The following INSL6 variants were observed in gnomAD, a reference collection of about 807,000 sequenced individuals.
INSL6 encodes insulin-like peptide INSL6.
INSL6 carries 16 observed loss-of-function variants against 9.4 expected under a neutral mutation model. That is an observed-to-expected ratio of 1.70 (90% CI 1.15 to 2.59). INSL6 has a LOEUF of 2.59. Among genes scored for constraint, INSL6 ranks in the 30% most tolerant of loss-of-function variants. The pLI is 0.00. For synonymous variants in INSL6, 154 were observed against 96.9 expected (o/e 1.59, Z -3.46); for missense variants, 391 against 257.3 (o/e 1.52, Z -3.56).
chr9:5,171,311 T>C (rs1034606669), intron 1 of INSL6, among the ~76,000 whole-genome samples: 1 of 152,146 alleles, frequency 6.6e-6, no homozygotes, highest in Non-Finnish European at 1.5e-5. Context: ...AAACTCTCAA[T>C]AAATCAGGTG....
downstream of INSL6, among the ~76,000 whole-genome samples, chr9:5,161,380 C>T (rs1031732771): frequency 1.3e-5 from 2 of 152,124 alleles, no homozygotes; most frequent in Non-Finnish European, 2.9e-5. Flanking sequence ...AAATAAAAAC[C>T]TCTCATGCTA....
At chr9:5,123,297 C>T (rs1823758076), downstream of INSL6, among the ~76,000 whole-genome samples, 1 of 151,978 alleles carries the variant, frequency 6.6e-6, no homozygotes, top group South Asian at 2.1e-4. Context: ...AATTTCTCAG[C>T]ATCTACTCCA....
At chr9:5,027,942 A>G in the INSL6 span, among the ~76,000 whole-genome samples, 1 of 152,196 alleles carries the variant, frequency 6.6e-6, no homozygotes, top group South Asian at 2.1e-4. Context: ...TAAATCCCTC[A>G]AAGATACCCA....
intron 2 of INSL6, among the ~76,000 whole-genome samples, chr9:5,157,593 A>T (rs1270149832): frequency 1.3e-5 from 2 of 152,202 alleles, no homozygotes; most frequent in Non-Finnish European, 2.9e-5. Flanking sequence ...CACAGACCTA[A>T]TATAAATGCT....
the INSL6 span, among the ~76,000 whole-genome samples, chr9:5,103,001 A>G: frequency 1.8e-4 from 27 of 152,068 alleles, no homozygotes; most frequent in South Asian, 4.2e-4. Flanking sequence ...GGGCAAAATA[A>G]CCAGCTAACA....
the INSL6 span, among the ~76,000 whole-genome samples, chr9:5,005,619 T>G: frequency 6.6e-6 from 1 of 152,196 alleles, no homozygotes; most frequent in East Asian, 1.9e-4. Flanking sequence ...TCCAGTGTAA[T>G]TTTTTTCCTT....
chr9:5,168,031 A>G (rs760550808), intron 1 of INSL6, among the ~76,000 whole-genome samples: 2 of 152,204 alleles, frequency 1.3e-5, no homozygotes, highest in Non-Finnish European at 2.9e-5. Flanking sequence ...AGCAACAACA[A>G]CAACATAAAC....
chr9:5,081,120 C>T, the INSL6 span, among the ~76,000 whole-genome samples: 4 of 151,962 alleles, frequency 2.6e-5, no homozygotes, highest in African/African-American at 7.2e-5. Flanking sequence ...TGGTCTCGAT[C>T]TCCTGATCTT....
chr9:5,127,909 TGTTA>T (rs955338741), intron 3 of INSL6: 1 of 232,358 alleles, frequency 4.3e-6, no homozygotes, highest in African/African-American at 2.2e-5. Flanking sequence ...AAAGTATGCT[TGTTA>T]ATTTTATTCA....
chr9:5,028,615 T>A, the INSL6 span, among the ~76,000 whole-genome samples: 13 of 152,370 alleles, frequency 8.5e-5, no homozygotes, highest in East Asian at 2.3e-3. Flanking sequence ...GGCTGTTTTG[T>A]CTACACTGAA....
At position 5,185,557 on chromosome 9, in the gene INSL6, G is replaced by A. The variant is rs137949046; in HGVS notation, c.46C>T (p.Leu16=). Residue 16 remains leucine (L), a synonymous_variant, in exon 1 of 2, where the codon CTG becomes TTG. Transcript: ENST00000381641. The part of the protein sequence containing the change: ...RLSLLWLGLL[L]VRFSRELSDI... ...CTCAGTTCACGAGAAAACCGAACCA[G>A]CAGGAGTCCAAGCCACAGCAGGGAC... The A allele has an allele frequency of 1.2e-6, 2 of 1,613,942 alleles. No homozygotes were observed. The highest frequency in any genetic ancestry group is 1.1e-5 in the South Asian group (1 of 91,054).
chr9:5,086,588 A>ATACTT, the INSL6 span, among the ~76,000 whole-genome samples: 2 of 151,980 alleles, frequency 1.3e-5, no homozygotes, highest in African/African-American at 4.8e-5. Flanking sequence ...TGCCCTTCCA[A>ATACTT]TACTTAAAAA....
the INSL6 span, among the ~76,000 whole-genome samples, chr9:5,018,444 C>CTTCT: frequency 6.6e-6 from 1 of 152,140 alleles, no homozygotes; most frequent in Admixed American, 6.5e-5. Flanking sequence ...TCAGGTGATC[C>CTTCT]TTCTGCCTCA....
intron 2 of INSL6, among the ~76,000 whole-genome samples, chr9:5,137,747 T>C (rs570739792): frequency 2.0e-5 from 3 of 152,246 alleles, no homozygotes; most frequent in Non-Finnish European, 4.4e-5. Flanking sequence ...TGGGATCTAA[T>C]TAAACTAAAG....
At chr9:5,096,546 C>T in the INSL6 span, 2 of 152,100 alleles carry the variant, frequency 1.3e-5, no homozygotes, top group Non-Finnish European at 2.9e-5. Context: ...TGAAGCTGCT[C>T]CTTTGAATTT....
intron 3 of INSL6, among the ~76,000 whole-genome samples, chr9:5,129,553 A>G (rs115472299): frequency 5.4e-4 from 82 of 152,276 alleles, no homozygotes; most frequent in African/African-American, 1.8e-3. Flanking sequence ...TTTGCTGTAT[A>G]TTAGAATAAA....
chr9:4,996,928 C>CT, the INSL6 span, among the ~76,000 whole-genome samples: 961 of 94,656 alleles, frequency 0.01, 10 homozygotes, highest in Non-Finnish European at 0.012. Flanking sequence ...TTAGTTTGTT[C>CT]TTTTTTTTTT....
the INSL6 span, among the ~76,000 whole-genome samples, chr9:5,095,762 C>T: frequency 1.3e-5 from 2 of 152,158 alleles, no homozygotes; most frequent in South Asian, 4.1e-4. Flanking sequence ...AAAATCTTAA[C>T]CTACTCCTCA....
chr9:5,081,104 C>G, the INSL6 span, among the ~76,000 whole-genome samples: 1 of 151,866 alleles, frequency 6.6e-6, no homozygotes, highest in Non-Finnish European at 1.5e-5. Context: ...ACCGTGTTAG[C>G]CAGGATGGTC....
Sources: allele counts gnomAD v4.1 joint callset (sites outside exome capture counted in the v4.1 genomes callset), GRCh38; gene constraint gnomAD v4.1.1; transcripts MANE v1.5; gene names NCBI Gene and HGNC (gene_info 2026-07-23, HGNC 2026-07-21).